DPP9: variants seen among roughly 807,000 people sequenced by gnomAD.
DPP9 encodes dipeptidyl peptidase IV-related protein-2.
Under a neutral mutation model 110.7 loss-of-function variants are expected in DPP9, and 50 were observed. The observed-to-expected ratio is 0.45, with a 90% CI of 0.36 to 0.57. The LOEUF (loss-of-function observed/expected upper bound fraction) is 0.57, where lower values mean the gene tolerates loss of function less well. Ranked by LOEUF, DPP9 falls within the 20% of genes least tolerant of loss-of-function variation. The pLI, the probability that DPP9 is intolerant of heterozygous loss-of-function variation, is 0.00. For synonymous variants in DPP9, 561 were observed against 514.4 expected (o/e 1.09, Z -1.23); for missense variants, 1,022 against 1,217.9 (o/e 0.84, Z 2.39).
chr19:4,685,581 G>A lies in DPP9; in HGVS notation c.2031+45C>T, dbSNP rs1236054906. The stretch of plus-strand genomic sequence containing the variant: ...ACTTGAGTGGGGATGGGGAGTCCTC[G>A]GGTGGATGGTGGGGTGGGGGCCTGG... On this transcript the variant is annotated intron_variant, in intron 17 of 21. Coordinates refer to ENST00000262960, the MANE Select transcript of DPP9 (RefSeq NM_139159.5). This position sits in a 1 kb window ranked among gnomAD's most constrained non-coding sequence, Gnocchi z 5.8. 5 of 1,563,584 alleles carry A rather than the reference G, an allele frequency of 3.2e-6. No individual in the cohort carries two copies. The highest frequency in any genetic ancestry group is 1.9e-5 in the Admixed American group (1 of 53,200).
In DPP9 at chr19:4,676,561, G is replaced by A; in HGVS notation, c.*3C>T. 1 of 1,589,740 alleles carries A rather than the reference G, an allele frequency of 6.3e-7. No homozygotes were observed. Among genetic ancestry groups the A allele is most frequent in the Non-Finnish European group, 8.6e-7 (1 of 1,168,986 alleles). ...GTGATGTGGCGGCTCCCGGTGGGCA[G>A]GCTCAGAGGTATTCCTGTAGAAAGT... On this transcript the variant is annotated 3_prime_UTR_variant, in exon 22 of 22. Transcript: ENST00000262960. This position sits in a 1 kb window ranked among gnomAD's most constrained non-coding sequence, Gnocchi z 4.0.
chr19:4,714,997 G>GATA (rs2093009348), intron 3 of DPP9, among the ~76,000 whole-genome samples: 1 of 125,404 alleles, frequency 8.0e-6, no homozygotes, highest in Admixed American at 8.4e-5. Context: ...TAACTTCTTT[G>GATA]ATATATGTTT....
chr19:4,706,595 G>T (rs1378822625), intron 4 of DPP9, among the ~76,000 whole-genome samples: 1 of 151,988 alleles, frequency 6.6e-6, no homozygotes, highest in Non-Finnish European at 1.5e-5. Context: ...GCAAGCAGAT[G>T]ACTTGAGGTC....
intron 13 of DPP9, 93 bp from the exon 14 acceptor site, chr19:4,691,050 C>A (rs1264094810): frequency 3.2e-6 from 3 of 936,166 alleles, no homozygotes; most frequent in Non-Finnish European, 5.0e-6. Context: ...AGCAGACTCA[C>A]CATGGAGCCA....
At chr19:4,721,053 G>A (rs2093300436) in intron 2 of DPP9, among the ~76,000 whole-genome samples, 1 of 152,126 alleles carries the variant, frequency 6.6e-6, no homozygotes, top group African/African-American at 2.4e-5. Flanking sequence ...GTCTCACCTG[G>A]GGATAACCGG....
rs1179256313 is a variant in DPP9 at position 4,676,550 on chromosome 19, C to G, written c.*14G>C. The G allele has an allele frequency of 2.5e-6, 4 of 1,582,932 alleles. No individual in the cohort carries two copies. The highest frequency in any genetic ancestry group is 3.4e-6 in the Non-Finnish European group (4 of 1,165,514). On this transcript the variant is annotated 3_prime_UTR_variant, in exon 22 of 22. Transcript: ENST00000262960. The surrounding 1 kb of genome is among the most constrained non-coding windows in gnomAD (Gnocchi z 4.0). ...CCACTTGTGCTGTGATGTGGCGGCT[C>G]CCGGTGGGCAGGCTCAGAGGTATTC... is the stretch of plus-strand genomic sequence containing the variant.
At position 4,700,532 on chromosome 19, in the gene DPP9, T is replaced by C. The variant is rs2145691674; in HGVS notation, c.1013-255A>G. Among the ~76,000 whole-genome samples the C allele has an allele frequency of 6.6e-6, 1 of 152,328 alleles. No homozygotes were observed. Among genetic ancestry groups the C allele is most frequent in the South Asian group, 2.1e-4 (1 of 4,818 alleles). ...TCCCAACAGTGATGTGGCATCTGGC[T>C]TTCTCATTTAAAAACACGGGCCACA... is the stretch of plus-strand genomic sequence containing the variant. On this transcript the variant is annotated intron_variant, in intron 9 of 21. Coordinates refer to ENST00000262960, the MANE Select transcript of DPP9 (RefSeq NM_139159.5). The surrounding 1 kb of genome is among the most constrained non-coding windows in gnomAD (Gnocchi z 4.3).
At position 4,695,468 on chromosome 19, in the gene DPP9, A is replaced by G; in HGVS notation, c.1263T>C (p.Asn421=). 1 of 1,585,056 alleles carries G rather than the reference A, an allele frequency of 6.3e-7. No homozygotes were observed. Among genetic ancestry groups the G allele is most frequent in the Admixed American group, 1.8e-5 (1 of 56,442 alleles). ...PPALFIPSTE[N]EEQRLASARA... The stretch of plus-strand genomic sequence containing the variant: ...TGGCAGAGGCTAGCCGCTGCTCCTC[A>G]TTCTCTGTGCTCGGGATGAACAGGG... Residue 421 remains asparagine, a synonymous_variant, in exon 12 of 22, where the codon AAT becomes AAC. Transcript: ENST00000262960. This position sits in a 1 kb window ranked among gnomAD's most constrained non-coding sequence, Gnocchi z 4.7.
Position 4,685,618 on chromosome 19 carries a change from G to A in DPP9, c.2031+8C>T. On this transcript the variant is annotated splice_region_variant and intron_variant, in intron 17 of 21. Transcript: ENST00000262960. The surrounding 1 kb of genome is among the most constrained non-coding windows in gnomAD (Gnocchi z 5.8). ...GGGTGGGGGCCTGGGGAGCAGGTGTGCACTCACCTGGGGGCCTCCATATAC... is the reference window on the plus strand; with the variant it reads ...GGGTGGGGGCCTGGGGAGCAGGTGTACACTCACCTGGGGGCCTCCATATAC... 1 of 1,598,978 alleles carries A rather than the reference G, an allele frequency of 6.3e-7. No homozygotes were observed.
intron 9 of DPP9, 138 bp downstream of exon 9, chr19:4,701,889 G>T: frequency 7.9e-7 from 1 of 1,264,232 alleles, no homozygotes; most frequent in Non-Finnish European, 1.1e-6. Context: ...CAGGGCAGAA[G>T]CCTTCCTTCT....
rs1481111779 is a variant in DPP9, at chr19:4,695,941, T to G, written c.1176-386A>C. ...TTTTTGAGACAGAGTTTCACTCTTG[T>G]CCAGGCTGAAGTATAGTGGCACAAT... is the stretch of plus-strand genomic sequence containing the variant. On this transcript the variant is annotated intron_variant, in intron 11 of 21. Transcript: ENST00000262960. This position sits in a 1 kb window ranked among gnomAD's most constrained non-coding sequence, Gnocchi z 4.7. Among the ~76,000 whole-genome samples the G allele has an allele frequency of 6.6e-6, 1 of 152,174 alleles. No homozygotes were observed. Among genetic ancestry groups the G allele is most frequent in the African/African-American group, 2.4e-5 (1 of 41,438 alleles).
In DPP9 at chr19:4,685,614, G is replaced by T. The variant is rs746049293; in HGVS notation, c.2031+12C>A. On this transcript the variant is annotated intron_variant, in intron 17 of 21. Coordinates refer to ENST00000262960, the MANE Select transcript of DPP9 (RefSeq NM_139159.5). The surrounding 1 kb of genome is among the most constrained non-coding windows in gnomAD (Gnocchi z 5.8). The stretch of plus-strand genomic sequence containing the variant: ...GGTGGGGTGGGGGCCTGGGGAGCAG[G>T]TGTGCACTCACCTGGGGGCCTCCAT... The T allele has an allele frequency of 2.5e-6, 4 of 1,597,402 alleles. No homozygotes were observed. Among genetic ancestry groups the T allele is most frequent in the Non-Finnish European group, 3.4e-6 (4 of 1,172,908 alleles).
chr19:4,683,391 G>A, intron 19 of DPP9, 86 bp downstream of exon 19: 1 of 1,573,742 alleles, frequency 6.4e-7, no homozygotes, highest in Non-Finnish European at 8.6e-7. Context: ...TGGGCTCCGG[G>A]TGGCGCGGGC....
At chr19:4,681,989 C>T (rs2089968765) in intron 20 of DPP9, among the ~76,000 whole-genome samples, 1 of 151,988 alleles carries the variant, frequency 6.6e-6, no homozygotes, top group Non-Finnish European at 1.5e-5. Flanking sequence ...GCTGGGACTA[C>T]AGGCACCCGC....
intron 2 of DPP9, 189 bp downstream of exon 2, chr19:4,722,310 G>T (rs56077669): frequency 1.7e-6 from 1 of 574,196 alleles, no homozygotes. Context: ...GGCAGCTAGA[G>T]GGGGACAGGG....
chr19:4,709,572 C>T (rs192560660), intron 4 of DPP9, among the ~76,000 whole-genome samples: 6 of 152,154 alleles, frequency 3.9e-5, no homozygotes, highest in Admixed American at 3.9e-4. Context: ...TGATTTCGCT[C>T]GTGTGAAATG....
rs200686354 is a variant in DPP9, at chr19:4,702,568, G to A, written c.883+35C>T. 275 of 1,503,778 alleles carry A rather than the reference G, an allele frequency of 1.8e-4. No homozygotes were observed. In the African/African-American group the frequency reaches 3.3e-3, roughly 18 times the overall value. 93.2% of individuals were successfully genotyped at this position (1,503,778 alleles called of 1,614,324 possible). ...CCTGTGATTCCAGGAGGAAAAGCAC[G>A]CCCGGGAGCATGTTGAAAAATGGAA... On this transcript the variant is annotated intron_variant, in intron 8 of 21. Coordinates refer to ENST00000262960, the MANE Select transcript of DPP9 (RefSeq NM_139159.5).
At position 4,720,027 on chromosome 19, in the gene DPP9, A is replaced by C. The variant is rs1414332094; in HGVS notation, c.-35-86T>G. On this transcript the variant is annotated intron_variant, in intron 2 of 21. Transcript: ENST00000262960. The stretch of plus-strand genomic sequence containing the variant: ...CTCCTGCCCCCTTCGCCCCCTCCTC[A>C]TTGCTCCAGGCAGCCCCCCAAGCCT... The C allele has an allele frequency of 5.3e-6, 6 of 1,132,460 alleles. No homozygotes were observed. In the East Asian group the frequency reaches 7.9e-5, roughly 15 times the overall value. 70.2% of individuals were successfully genotyped at this position (1,132,460 alleles called of 1,614,324 possible).
intron 2 of DPP9, among the ~76,000 whole-genome samples, chr19:4,720,715 G>A (rs1014612949): frequency 1.3e-5 from 2 of 152,194 alleles, no homozygotes; most frequent in Non-Finnish European, 2.9e-5. Context: ...GCCCAGAGAT[G>A]CTGCTTAGCA....
Sources: gnomAD v4.1 joint callset for allele counts (sites outside exome capture counted in the v4.1 genomes callset) on GRCh38, gnomAD v4.1.1 for gene constraint, Gnocchi (gnomAD v3.1) non-coding constraint, MANE v1.5 for transcripts, NCBI Gene and HGNC (gene_info 2026-07-23, HGNC 2026-07-21) for gene names.